Variants in PCMTD1 observed in about 807,000 individuals in gnomAD.
PCMTD1 encodes the protein protein-L-isoaspartate O-methyltransferase domain-containing protein 1.
PCMTD1 carries 12 observed loss-of-function variants against 37.6 expected under a neutral mutation model. The observed-to-expected ratio is 0.32, with a 90% CI of 0.20 to 0.52. The LOEUF (loss-of-function observed/expected upper bound fraction) is 0.52. Among genes scored for constraint, PCMTD1 ranks in the 20% least tolerant of loss-of-function variants. The probability of loss-of-function intolerance (pLI) is 0.97; values close to 1 mark genes in which losing one functional copy is unlikely to be tolerated. For missense variants in PCMTD1, 235 were observed against 421.3 expected (o/e 0.56, Z 3.87); for synonymous variants, 117 against 135.8 (o/e 0.86, Z 0.96).
At chr8:51,831,386 C>G (rs2037996103) in intron 5 of PCMTD1, 58 bp downstream of exon 5, 1 of 1,511,178 alleles carries the variant, frequency 6.6e-7, no homozygotes, top group South Asian at 1.2e-5. Context: ...AAATCCCAAG[C>G]ATAAAAGCCA....
At chr8:51,863,693 G>A (rs191270581) in intron 1 of PCMTD1, among the ~76,000 whole-genome samples, 4 of 152,154 alleles carry the variant, frequency 2.6e-5, no homozygotes, top group Non-Finnish European at 4.4e-5. Flanking sequence ...AGGTCGAGGC[G>A]GGCAGATCAC....
rs1248733397 is a variant in PCMTD1 at position 51,820,624 on chromosome 8, C to A, written c.801G>T (p.Gly267=). 1 of 1,612,774 alleles carries A rather than the reference C, an allele frequency of 6.2e-7. No homozygotes were observed. Among genetic ancestry groups the A allele is most frequent in the Non-Finnish European group, 8.5e-7 (1 of 1,179,670 alleles). ...TTTTGGGTGGAGCCCTTTGAGGAAT[C>A]CCCTTGGCCTGCATCTCATCATTTA... ...NFINDEMQAK[G]IPQRAPPKRK... Residue 267 remains glycine (G), a synonymous_variant, in exon 6 of 6, where the codon GGG becomes GGT. Coordinates refer to ENST00000522514, the MANE Select transcript of PCMTD1 (RefSeq NM_052937.4).
chr8:51,874,348 C>T (rs1269900548), intron 1 of PCMTD1, among the ~76,000 whole-genome samples: 1 of 152,082 alleles, frequency 6.6e-6, no homozygotes, highest in Non-Finnish European at 1.5e-5. Context: ...CCCCCGCCCC[C>T]GGGGCTGCAT....
intron 2 of PCMTD1, among the ~76,000 whole-genome samples, chr8:51,859,887 C>T (rs945276679): frequency 1.4e-5 from 2 of 141,720 alleles, no homozygotes; most frequent in African/African-American, 2.4e-5. Flanking sequence ...ACCTATCAGA[C>T]TAGATGAAGG....
intron 3 of PCMTD1, among the ~76,000 whole-genome samples, chr8:51,841,139 CTT>C (rs1481455030): frequency 1.3e-5 from 2 of 152,130 alleles, no homozygotes; most frequent in Non-Finnish European, 2.9e-5. Flanking sequence ...GTTACAGCCT[CTT>C]TTTCTAACCC....
At position 51,818,103 on chromosome 8, in the gene PCMTD1, C is replaced by G. The variant is rs1341704028; in HGVS notation, c.*2248G>C. The G allele has an allele frequency of 8.3e-6, 3 of 360,550 alleles. No homozygotes were observed. The highest frequency in any genetic ancestry group is 4.4e-5 in the South Asian group (2 of 45,902). The allele number at this position is 360,550 out of a possible 1,614,324, so 22.3% of individuals were successfully genotyped here. ...ACATAAATTCATTAAAAAATAAACA[C>G]AAACCCAAAATATTCTTATTCTAAT... On this transcript the variant is annotated 3_prime_UTR_variant, in exon 6 of 6. Transcript: ENST00000522514.
At chr8:51,841,631 T>C (rs189417228) in intron 3 of PCMTD1, among the ~76,000 whole-genome samples, 1 of 152,110 alleles carries the variant, frequency 6.6e-6, no homozygotes, top group African/African-American at 2.4e-5. Context: ...GTAAAAAGTT[T>C]ATACTTCAGG....
chr8:51,869,963 A>T (rs2038614789), intron 1 of PCMTD1, among the ~76,000 whole-genome samples: 1 of 152,208 alleles, frequency 6.6e-6, no homozygotes, highest in Non-Finnish European at 1.5e-5. Flanking sequence ...ATTGTGACTT[A>T]AATCTATTTA....
intron 1 of PCMTD1, among the ~76,000 whole-genome samples, chr8:51,892,156 C>G (rs1206731339): frequency 6.6e-6 from 1 of 152,138 alleles, no homozygotes; most frequent in Non-Finnish European, 1.5e-5. Flanking sequence ...AGATTAATAA[C>G]CACATACAAT....
At chr8:51,853,049 T>C (rs1160876122) in intron 2 of PCMTD1, among the ~76,000 whole-genome samples, 1 of 152,190 alleles carries the variant, frequency 6.6e-6, no homozygotes, top group African/African-American at 2.4e-5. Flanking sequence ...CAGAAATCTA[T>C]GAATCCTTTG....
At chr8:51,876,228 G>A (rs2038711574) in intron 1 of PCMTD1, among the ~76,000 whole-genome samples, 1 of 152,116 alleles carries the variant, frequency 6.6e-6, no homozygotes, top group Non-Finnish European at 1.5e-5. Context: ...TTGATTTTAG[G>A]TGCCAATTTT....
intron 2 of PCMTD1, among the ~76,000 whole-genome samples, chr8:51,855,816 T>C (rs915395378): frequency 3.3e-5 from 5 of 151,828 alleles, no homozygotes; most frequent in African/African-American, 4.8e-5. Flanking sequence ...CCTGCCACCA[T>C]GCCTGGCTAA....
chr8:51,833,484 C>A, intron 4 of PCMTD1, 34 bp downstream of exon 4: 1 of 1,559,874 alleles, frequency 6.4e-7, no homozygotes, highest in Non-Finnish European at 8.7e-7. Context: ...TGCTTGCTTC[C>A]TAGGCCACTA....
rs528526119 is a variant in PCMTD1, at chr8:51,819,017, T to C, written c.*1334A>G. On this transcript the variant is annotated 3_prime_UTR_variant, in exon 6 of 6. Coordinates refer to ENST00000522514, the MANE Select transcript of PCMTD1 (RefSeq NM_052937.4). Reference sequence around the variant, plus strand: ...AAATATGTTACATTGTACACTTTCTTAACAAGGAATGGCTGTTTTCAGGCC... The same window carrying C: ...AAATATGTTACATTGTACACTTTCTCAACAAGGAATGGCTGTTTTCAGGCC... The C allele has an allele frequency of 5.1e-5, 7 of 137,218 alleles. No individual in the cohort carries two copies. The highest frequency in any genetic ancestry group is 1.9e-4 in the African/African-American group (7 of 36,066). The allele number at this position is 137,218 out of a possible 1,614,324, so 8.5% of individuals were successfully genotyped here. A position where few individuals can be genotyped will look rare whatever the true frequency, so the allele number is the denominator to read the frequency against.
chr8:51,834,101 G>A (rs1468971340), intron 3 of PCMTD1, among the ~76,000 whole-genome samples: 1 of 152,150 alleles, frequency 6.6e-6, no homozygotes, highest in Non-Finnish European at 1.5e-5. Context: ...GCAGAAATGA[G>A]AAGGGTTTGT....
At chr8:51,824,297 C>G (rs892886546) in intron 5 of PCMTD1, among the ~76,000 whole-genome samples, 1 of 152,086 alleles carries the variant, frequency 6.6e-6, no homozygotes, top group Admixed American at 6.6e-5. Flanking sequence ...TTTAGAAAAC[C>G]CCATCGTCTC....
chr8:51,846,822 AC>A (rs2038228193), intron 2 of PCMTD1, among the ~76,000 whole-genome samples: 1 of 152,210 alleles, frequency 6.6e-6, no homozygotes, highest in African/African-American at 2.4e-5. Flanking sequence ...AAATATCCAA[AC>A]TATAAAAATT....
intron 1 of PCMTD1, among the ~76,000 whole-genome samples, chr8:51,864,369 A>C (rs918288474): frequency 1.3e-5 from 2 of 152,210 alleles, no homozygotes; most frequent in Admixed American, 1.3e-4. Flanking sequence ...GAAACAGTGG[A>C]CTTGAACAAC....
chr8:51,847,801 G>C (rs1192131481), intron 2 of PCMTD1, among the ~76,000 whole-genome samples: 1 of 152,062 alleles, frequency 6.6e-6, no homozygotes, highest in African/African-American at 2.4e-5. Flanking sequence ...CCAAGGGCCA[G>C]GCACGGTGAC....
Sources: allele counts gnomAD v4.1 joint callset (sites outside exome capture counted in the v4.1 genomes callset), GRCh38; gene constraint gnomAD v4.1.1; transcripts MANE v1.5; gene names NCBI Gene and HGNC (gene_info 2026-07-23, HGNC 2026-07-21).